The following SNX18 variants were observed in gnomAD, a reference collection of about 807,000 sequenced individuals.
SNX18 encodes the protein sorting nexin 18.
SNX18 carries 35 observed loss-of-function variants against 48.7 expected under a neutral mutation model. The ratio of observed to expected loss-of-function variants is 0.72; its 90% confidence interval spans 0.55 to 0.95. The LOEUF is 0.95. Among genes scored for constraint, SNX18 ranks in the 40% least tolerant of loss-of-function variants. The pLI is 0.00. For synonymous variants in SNX18, 492 were observed against 384.7 expected (o/e 1.28, Z -3.26); for missense variants, 824 against 871.0 (o/e 0.95, Z 0.68).
At chr5:54,599,545 C>T in the SNX18 span, among the ~76,000 whole-genome samples, 2 of 152,034 alleles carry the variant, frequency 1.3e-5, no homozygotes, top group Non-Finnish European at 2.9e-5. Flanking sequence ...AGAAAAAGAA[C>T]AAAGCTGGAG....
At chr5:54,612,448 GGA>G in the SNX18 span, among the ~76,000 whole-genome samples, 2 of 151,820 alleles carry the variant, frequency 1.3e-5, no homozygotes, top group Non-Finnish European at 2.9e-5. Flanking sequence ...TATTTTTAGT[GGA>G]GAGAGTGTTT....
chr5:54,612,594 G>A, the SNX18 span, among the ~76,000 whole-genome samples: 1,922 of 152,130 alleles, frequency 0.013, 31 homozygotes, highest in Non-Finnish European at 0.02. Context: ...GGATTTTATC[G>A]GCATACGCAC....
chr5:54,535,973 T>G (rs1762345194), intron 1 of SNX18, among the ~76,000 whole-genome samples: 1 of 152,110 alleles, frequency 6.6e-6, no homozygotes, highest in Non-Finnish European at 1.5e-5. Context: ...AGAATTCGAG[T>G]AATCCACCAA....
At chr5:54,588,308 T>TTA in the SNX18 span, among the ~76,000 whole-genome samples, 118 of 5,570 alleles carry the variant, frequency 0.021, 6 homozygotes, top group Non-Finnish European at 0.031. Context: ...TTTCTATTCT[T>TTA]TTTTTTTTTT....
At position 54,544,794 on chromosome 5, in the gene SNX18, A is replaced by G. The variant is rs911802212; in HGVS notation, c.*1362A>G. 9 of 152,150 alleles carry G rather than the reference A, an allele frequency of 5.9e-5. No homozygotes were observed. Among genetic ancestry groups the G allele is most frequent in the Non-Finnish European group, 1.2e-4 (8 of 68,026 alleles). 9.4% of individuals were successfully genotyped at this position (152,150 alleles called of 1,614,324 possible). ...TCTGGCTTACAGTGCCCCAATCTCAATGTTTTTATAGTTGCTGAGCTAACT... is the reference window on the plus strand; with the variant it reads ...TCTGGCTTACAGTGCCCCAATCTCAGTGTTTTTATAGTTGCTGAGCTAACT... On this transcript the variant is annotated 3_prime_UTR_variant, in exon 2 of 2. Coordinates refer to ENST00000381410, the MANE Select transcript of SNX18 (RefSeq NM_001102575.2).
the SNX18 span, among the ~76,000 whole-genome samples, chr5:54,589,148 AC>A: frequency 6.6e-6 from 1 of 151,672 alleles, no homozygotes; most frequent in Non-Finnish European, 1.5e-5. Context: ...GACACCCCCA[AC>A]CCCCTGCCCT....
At chr5:54,580,867 A>G in the SNX18 span, among the ~76,000 whole-genome samples, 1 of 152,200 alleles carries the variant, frequency 6.6e-6, no homozygotes, top group South Asian at 2.1e-4. Flanking sequence ...ATAGTAGTAG[A>G]CAGCTTAGAA....
rs1762535835 is a variant in SNX18, at chr5:54,544,447, C to G, written c.*1015C>G. On this transcript the variant is annotated 3_prime_UTR_variant, in exon 2 of 2. Coordinates refer to ENST00000381410, the MANE Select transcript of SNX18 (RefSeq NM_001102575.2). Reference sequence around the variant, plus strand: ...TCTACACTGTTAACTGATTGAGACTCCACTGTGATTCACTTGTTTACTTAA... The same window carrying G: ...TCTACACTGTTAACTGATTGAGACTGCACTGTGATTCACTTGTTTACTTAA... 6.6e-6 allele frequency: 1 copy of G among 151,926 alleles called. No homozygotes were observed. The highest frequency in any genetic ancestry group is 1.5e-5 in the Non-Finnish European group (1 of 67,984). The allele number at this position is 151,926 out of a possible 1,614,324, so 9.4% of individuals were successfully genotyped here.
chr5:54,555,326 GCTT>G, the SNX18 span, among the ~76,000 whole-genome samples: 1 of 151,036 alleles, frequency 6.6e-6, no homozygotes, highest in Non-Finnish European at 1.5e-5. Context: ...TAGTCAGTTG[GCTT>G]CTTTTCTCTC....
rs756792548 is a variant in SNX18 at position 54,518,039 on chromosome 5, G to C, written c.87G>C (p.Leu29=). 5 of 1,548,146 alleles carry C rather than the reference G, an allele frequency of 3.2e-6. No homozygotes were observed. The highest frequency in any genetic ancestry group is 4.3e-6 in the Non-Finnish European group (5 of 1,151,344). ...TGCGAGAGCACGAGGTGCTGAGCCTGTGCAGCGAGCAGGACATCGAGGGCT... is the reference window on the plus strand; with the variant it reads ...TGCGAGAGCACGAGGTGCTGAGCCTCTGCAGCGAGCAGGACATCGAGGGCT... ...ISLREHEVLS[L]CSEQDIEGWL... Residue 29 remains leucine (L), a synonymous_variant, in exon 1 of 2, where the codon CTG becomes CTC. Coordinates refer to ENST00000381410, the MANE Select transcript of SNX18 (RefSeq NM_001102575.2).
the SNX18 span, among the ~76,000 whole-genome samples, chr5:54,616,294 C>T: frequency 1.3e-5 from 2 of 152,172 alleles, no homozygotes; most frequent in African/African-American, 2.4e-5. Context: ...CTATCTGGCT[C>T]GGGTCAGTTT....
At chr5:54,629,556 C>T in the SNX18 span, among the ~76,000 whole-genome samples, 1 of 152,198 alleles carries the variant, frequency 6.6e-6, no homozygotes, top group Non-Finnish European at 1.5e-5. Context: ...CTGTTTGAAG[C>T]TTTAAGGCAG....
chr5:54,608,028 A>G, the SNX18 span, among the ~76,000 whole-genome samples: 45 of 152,308 alleles, frequency 3.0e-4, no homozygotes, highest in African/African-American at 1.0e-3. Context: ...CCTGTGATTA[A>G]ATGCCCAGGA....
the SNX18 span, among the ~76,000 whole-genome samples, chr5:54,628,885 C>G: frequency 6.6e-6 from 1 of 152,210 alleles, no homozygotes; most frequent in Non-Finnish European, 1.5e-5. Flanking sequence ...CCATGCAAGT[C>G]TACTCCTGTG....
the SNX18 span, among the ~76,000 whole-genome samples, chr5:54,595,621 C>T: frequency 5.0e-3 from 766 of 152,324 alleles, 6 homozygotes; most frequent in Admixed American, 8.5e-3. Context: ...ATAACATTCC[C>T]TTCTCTCTGC....
the SNX18 span, among the ~76,000 whole-genome samples, chr5:54,559,522 T>C: frequency 1.3e-5 from 2 of 152,174 alleles, no homozygotes; most frequent in Non-Finnish European, 2.9e-5. Flanking sequence ...GCTAGCCACA[T>C]GCAGATTGAA....
At chr5:54,603,234 AT>A in the SNX18 span, among the ~76,000 whole-genome samples, 27 of 18,208 alleles carry the variant, frequency 1.5e-3, no homozygotes, top group South Asian at 7.4e-3. Flanking sequence ...ATTTAAAAAT[AT>A]ATATATATAT....
At chr5:54,612,845 A>C in the SNX18 span, among the ~76,000 whole-genome samples, 1 of 151,768 alleles carries the variant, frequency 6.6e-6, no homozygotes, top group Non-Finnish European at 1.5e-5. Flanking sequence ...AGTCAGTGAC[A>C]CTCTCCCAAC....
chr5:54,580,793 G>A, the SNX18 span, among the ~76,000 whole-genome samples: 5 of 152,330 alleles, frequency 3.3e-5, no homozygotes, highest in Admixed American at 3.3e-4. Context: ...ATAAACAGAG[G>A]CATTCCTGCC....
Sources: allele counts gnomAD v4.1 joint callset (sites outside exome capture counted in the v4.1 genomes callset), GRCh38; gene constraint gnomAD v4.1.1; transcripts MANE v1.5; gene names NCBI Gene and HGNC (gene_info 2026-07-23, HGNC 2026-07-21).